Variants in ZNF254 observed in about 807,000 individuals in gnomAD.
ZNF254 encodes the protein CTD-2017D11.1.
In ZNF254, 10 loss-of-function variants were observed where a neutral mutation model predicts 12.4. The observed-to-expected ratio is 0.80, with a 90% CI of 0.50 to 1.36. The LOEUF is 1.36. Among genes scored for constraint, ZNF254 ranks in the 40% most tolerant of loss-of-function variants. The probability of loss-of-function intolerance (pLI) is 0.00; values close to 1 mark genes in which losing one functional copy is unlikely to be tolerated. For synonymous variants in ZNF254, 305 were observed against 253.4 expected (o/e 1.20, Z -1.93); for missense variants, 996 against 763.9 (o/e 1.30, Z -3.58).
chr19:24,122,332 C>G (rs1974537272), intron 3 of ZNF254, among the ~76,000 whole-genome samples: 1 of 152,038 alleles, frequency 6.6e-6, no homozygotes, highest in Non-Finnish European at 1.5e-5. Context: ...TCAATTGATT[C>G]TCATGCCTCA....
chr19:24,092,313 C>T (rs1327072436), intron 1 of ZNF254, among the ~76,000 whole-genome samples: 4 of 151,264 alleles, frequency 2.6e-5, no homozygotes, highest in Non-Finnish European at 4.4e-5. Flanking sequence ...ATTACAGGCA[C>T]CCACCACCAC....
chr19:24,083,090 T>C (rs1971908004), upstream of ZNF254, among the ~76,000 whole-genome samples: 1 of 152,124 alleles, frequency 6.6e-6, no homozygotes, highest in Non-Finnish European at 1.5e-5. Flanking sequence ...TAAAAAAGCA[T>C]CTAGATCTGA....
chr19:24,073,892 A>G (rs1366551032), intron 2 of ZNF254, among the ~76,000 whole-genome samples: 2 of 152,220 alleles, frequency 1.3e-5, no homozygotes, highest in Non-Finnish European at 2.9e-5. Flanking sequence ...TTTTCCTGCA[A>G]CTGTATTGCA....
intron 2 of ZNF254, among the ~76,000 whole-genome samples, chr19:24,046,667 A>G (rs1970401786): frequency 6.6e-6 from 1 of 152,104 alleles, no homozygotes; most frequent in African/African-American, 2.4e-5. Flanking sequence ...TGTTTGCCTG[A>G]GAGTCACAAT....
intron 1 of ZNF254, among the ~76,000 whole-genome samples, chr19:24,097,707 G>T (rs1376965093): frequency 1.3e-5 from 2 of 151,984 alleles, no homozygotes; most frequent in East Asian, 3.9e-4. Flanking sequence ...CTTGAACCTG[G>T]GAGGCGGAGG....
rs1555750840 is a variant in ZNF254, at chr19:24,046,373, T to TTTTATATATATATATATATA, written c.-94+95_-94+96insTTATATATATATATATATAT. On this transcript the variant is annotated intron_variant, in intron 2 of 4. Transcript: ENST00000613065. ...TTGTCTTCCATTATTTTATTATTTT[T>TTTTATATATATATATATATA]TATATATATATATATATATATATAT... 5 of 95,492 alleles carry TTTTATATATATATATATATA rather than the reference T, an allele frequency of 5.2e-5. No homozygotes were observed. In the South Asian group the frequency reaches 1.0e-3, roughly 19 times the overall value. The allele number at this position is 95,492 out of a possible 1,614,324, so 5.9% of individuals were successfully genotyped here. A position where few individuals can be genotyped will look rare whatever the true frequency, so the allele number is the denominator to read the frequency against.
In ZNF254 at chr19:24,128,032, A is replaced by T. The variant is rs947562427; in HGVS notation, c.*52A>T. On this transcript the variant is annotated 3_prime_UTR_variant, in exon 4 of 4. Transcript: ENST00000357002. ...CTCAATTCTTAATAGATATAAGATT[A>T]TTCCTACTGGAGAGAAACTACAAAC... 22 of 1,470,104 alleles carry T rather than the reference A, an allele frequency of 1.5e-5. No individual in the cohort carries two copies. The highest frequency in any genetic ancestry group is 2.0e-5 in the Non-Finnish European group (22 of 1,113,978). 91.1% of individuals were successfully genotyped at this position (1,470,104 alleles called of 1,614,324 possible). A position where few individuals can be genotyped will look rare whatever the true frequency, so the allele number is the denominator to read the frequency against.
chr19:24,093,707 A>C (rs976824667), intron 1 of ZNF254, among the ~76,000 whole-genome samples: 14 of 152,204 alleles, frequency 9.2e-5, no homozygotes, highest in Admixed American at 7.9e-4. Flanking sequence ...TATAATTTGA[A>C]GACAGGTAAT....
intron 1 of ZNF254, chr19:24,046,100 C>A (rs954066011): frequency 1.3e-5 from 2 of 151,982 alleles, no homozygotes; most frequent in African/African-American, 4.8e-5. Context: ...TATATAATGT[C>A]CCCTTTTCTC....
chr19:24,090,983 C>G (rs555815016), intron 1 of ZNF254, among the ~76,000 whole-genome samples: 1 of 118,710 alleles, frequency 8.4e-6, no homozygotes, highest in South Asian at 2.9e-4. Context: ...GAGTCTCACT[C>G]TGTCGCCCAG....
intron 1 of ZNF254, chr19:24,091,901 A>G (rs1356997580): frequency 1.6e-5 from 14 of 850,354 alleles, no homozygotes; most frequent in African/African-American, 1.9e-5. Flanking sequence ...TTTTTTTGAG[A>G]TGGAGTCTCG....
At chr19:24,072,800 C>T (rs1971526923) in intron 2 of ZNF254, among the ~76,000 whole-genome samples, 1 of 152,190 alleles carries the variant, frequency 6.6e-6, no homozygotes, top group Non-Finnish European at 1.5e-5. Flanking sequence ...TAACATAACC[C>T]TGGTCAGGCA....
intron 2 of ZNF254, among the ~76,000 whole-genome samples, chr19:24,071,470 C>G (rs1460474966): frequency 6.6e-6 from 1 of 152,124 alleles, no homozygotes; most frequent in Non-Finnish European, 1.5e-5. Flanking sequence ...TGGGTGCTTC[C>G]CACTGGGGTG....
chr19:24,054,942 C>G (rs1295068300), intron 2 of ZNF254, among the ~76,000 whole-genome samples: 1 of 151,960 alleles, frequency 6.6e-6, no homozygotes, highest in Admixed American at 6.6e-5. Flanking sequence ...CAGTGGCTCA[C>G]GCCTGTAATC....
chr19:24,107,070 T>A, intron 3 of ZNF254: 2 of 446,512 alleles, frequency 4.5e-6, no homozygotes, highest in East Asian at 7.0e-5. Flanking sequence ...TTTGGTTTAT[T>A]TTTCTGCACA....
At chr19:24,078,073 C>G (rs1308505738) in intron 2 of ZNF254, among the ~76,000 whole-genome samples, 1 of 152,218 alleles carries the variant, frequency 6.6e-6, no homozygotes, top group Admixed American at 6.5e-5. Flanking sequence ...AAGTCTCACT[C>G]TGTCACCCAG....
intron 1 of ZNF254, chr19:24,098,513 CTT>C (rs1788415892): frequency 1.3e-5 from 2 of 152,164 alleles, no homozygotes. Flanking sequence ...TGAATAAAAA[CTT>C]TTAAAATTCC....
intron 3 of ZNF254, among the ~76,000 whole-genome samples, chr19:24,121,367 T>C (rs567136917): frequency 3.5e-4 from 54 of 152,342 alleles, no homozygotes; most frequent in African/African-American, 1.2e-3. Flanking sequence ...TTTTGTGTTA[T>C]ATATTCTAGC....
intron 3 of ZNF254, among the ~76,000 whole-genome samples, chr19:24,123,994 T>C: frequency 6.6e-6 from 1 of 152,038 alleles, no homozygotes; most frequent in East Asian, 1.9e-4. Flanking sequence ...AATAATTTTC[T>C]GAAATAGAAA....
Sources: allele counts gnomAD v4.1 joint callset (sites outside exome capture counted in the v4.1 genomes callset), GRCh38; gene constraint gnomAD v4.1.1; transcripts MANE v1.5; gene names NCBI Gene and HGNC (gene_info 2026-07-23, HGNC 2026-07-21).